PAK1: variants seen among roughly 807,000 people sequenced by gnomAD.
PAK1 encodes p21 (RAC1) activated kinase 1.
PAK1 carries 29 observed loss-of-function variants against 67.4 expected under a neutral mutation model. The ratio of observed to expected loss-of-function variants is 0.43; its 90% CI spans 0.32 to 0.59. PAK1 has a LOEUF of 0.59. Ranked by LOEUF, PAK1 falls within the 20% of genes least tolerant of loss-of-function variation. PAK1 has a pLI of 0.07. For missense variants in PAK1, 337 were observed against 670.7 expected (o/e 0.50, Z 5.50); for synonymous variants, 223 against 237.4 (o/e 0.94, Z 0.56).
At chr11:77,329,930 G>A (rs2136060241) in intron 14 of PAK1, among the ~76,000 whole-genome samples, 1 of 152,202 alleles carries the variant, frequency 6.6e-6, no homozygotes, top group Non-Finnish European at 1.5e-5. Flanking sequence ...AGCAACTTCA[G>A]CTAAGTCTCA....
chr11:77,451,009 C>G (rs1428931734), intron 1 of PAK1, among the ~76,000 whole-genome samples: 1 of 152,212 alleles, frequency 6.6e-6, no homozygotes, highest in East Asian at 1.9e-4. Context: ...CTCCACAAAA[C>G]ACTTTAAAAC....
chr11:77,368,538 T>C (rs913094036), intron 5 of PAK1, among the ~76,000 whole-genome samples: 1 of 152,076 alleles, frequency 6.6e-6, no homozygotes, highest in Non-Finnish European at 1.5e-5. Flanking sequence ...AAAATAGGAA[T>C]ACCAACACAA....
intron 14 of PAK1, among the ~76,000 whole-genome samples, chr11:77,326,383 A>C (rs924837138): frequency 6.6e-6 from 1 of 152,154 alleles, no homozygotes; most frequent in Non-Finnish European, 1.5e-5. Flanking sequence ...AGCCACACTC[A>C]CTAATTATCT....
chr11:77,460,419 G>C (rs955908471), intron 1 of PAK1, among the ~76,000 whole-genome samples: 7 of 151,544 alleles, frequency 4.6e-5, no homozygotes, highest in Admixed American at 3.3e-4. Context: ...AGACAGGAGG[G>C]GAGTAGGCTG....
At chr11:77,472,682 T>C (rs1472737921) in intron 1 of PAK1, among the ~76,000 whole-genome samples, 3 of 152,184 alleles carry the variant, frequency 2.0e-5, no homozygotes, top group Non-Finnish European at 4.4e-5. Context: ...CCCAAAAATG[T>C]AGGAGGCAAA....
chr11:77,346,897 T>C, intron 9 of PAK1: 2 of 408,750 alleles, frequency 4.9e-6, no homozygotes, highest in Non-Finnish European at 4.9e-6. Context: ...ATTGTACACA[T>C]TCTCTCTAAA....
chr11:77,407,473 T>C (rs1291807988), intron 1 of PAK1, among the ~76,000 whole-genome samples: 1 of 152,234 alleles, frequency 6.6e-6, no homozygotes, highest in African/African-American at 2.4e-5. Context: ...GTGCCTATTC[T>C]TGCCTGTCAG....
At chr11:77,463,284 A>C (rs1406842792) in intron 1 of PAK1, among the ~76,000 whole-genome samples, 1 of 152,220 alleles carries the variant, frequency 6.6e-6, no homozygotes, top group African/African-American at 2.4e-5. Context: ...CATGCGATAA[A>C]GAAAACACAG....
chr11:77,529,206 C>CT, the PAK1 span, among the ~76,000 whole-genome samples: 1 of 152,142 alleles, frequency 6.6e-6, no homozygotes, highest in Admixed American at 6.5e-5. Context: ...AATCATTGAG[C>CT]TTTTAGCCTT....
intron 5 of PAK1, among the ~76,000 whole-genome samples, chr11:77,365,386 C>G (rs138139687): frequency 4.8e-4 from 70 of 147,032 alleles, no homozygotes; most frequent in African/African-American, 1.8e-3. Context: ...TAAAGCACAC[C>G]AGCATACATA....
chr11:77,515,928 A>G, the PAK1 span, among the ~76,000 whole-genome samples: 2 of 152,248 alleles, frequency 1.3e-5, no homozygotes, highest in Non-Finnish European at 2.9e-5. Context: ...GCAGCCAATC[A>G]TAAGCATCCT....
At chr11:77,501,730 GAA>G in the PAK1 span, among the ~76,000 whole-genome samples, 1 of 152,188 alleles carries the variant, frequency 6.6e-6, no homozygotes, top group African/African-American at 2.4e-5. Flanking sequence ...GCTTGAGAAT[GAA>G]TCAAGATAAA....
At chr11:77,414,712 C>T (rs1264094931) in intron 1 of PAK1, among the ~76,000 whole-genome samples, 1 of 152,178 alleles carries the variant, frequency 6.6e-6, no homozygotes, top group Non-Finnish European at 1.5e-5. Context: ...AACCTAGACA[C>T]AGGCTTTATG....
chr11:77,503,784 C>G, the PAK1 span, among the ~76,000 whole-genome samples: 2 of 152,176 alleles, frequency 1.3e-5, no homozygotes, highest in African/African-American at 4.8e-5. Context: ...CCCAGAAAGT[C>G]GAGGTTGCAG....
chr11:77,429,186 G>T (rs1955744580), intron 1 of PAK1, among the ~76,000 whole-genome samples: 1 of 148,068 alleles, frequency 6.8e-6, no homozygotes, highest in South Asian at 2.3e-4. Flanking sequence ...CAAGGAAGTA[G>T]TCAAAGAATG....
At chr11:77,359,588 G>A (rs1186225859) in intron 5 of PAK1, among the ~76,000 whole-genome samples, 7 of 152,092 alleles carry the variant, frequency 4.6e-5, no homozygotes, top group Non-Finnish European at 7.4e-5. Context: ...TCAGGATCAT[G>A]TTATCTAAAG....
chr11:77,380,424 T>C (rs1043673702), intron 2 of PAK1, among the ~76,000 whole-genome samples: 1 of 152,104 alleles, frequency 6.6e-6, no homozygotes, highest in Non-Finnish European at 1.5e-5. Flanking sequence ...GCCCAGGATG[T>C]AGAGGTTGCA....
chr11:77,366,557 G>A (rs550586938), intron 5 of PAK1, among the ~76,000 whole-genome samples: 1 of 152,306 alleles, frequency 6.6e-6, no homozygotes, highest in South Asian at 2.1e-4. Flanking sequence ...TACTGTTAAT[G>A]TGAAGTAGAT....
At chr11:77,514,830 C>G in the PAK1 span, 1 of 6,206 alleles carries the variant, frequency 1.6e-4, no homozygotes, top group South Asian at 3.7e-3. Flanking sequence ...CATCTCAATC[C>G]TCATAACAAT....
Sources: gnomAD v4.1 joint callset for allele counts (sites outside exome capture counted in the v4.1 genomes callset) on GRCh38, gnomAD v4.1.1 for gene constraint, MANE v1.5 for transcripts, NCBI Gene and HGNC (gene_info 2026-07-23, HGNC 2026-07-21) for gene names.